The following SMS variants were observed in gnomAD, a reference collection of about 807,000 sequenced individuals.
SMS encodes spermidine aminopropyltransferase.
Under a neutral mutation model 33.0 loss-of-function variants are expected in SMS, and 3 were observed. The ratio of observed to expected loss-of-function variants is 0.09; its 90% CI spans 0.04 to 0.23. The LOEUF is 0.23. SMS is among the 10% of genes least tolerant of loss of function. SMS has a pLI of 1.00. For synonymous variants in SMS, 103 were observed against 112.2 expected (o/e 0.92, Z 0.52); for missense variants, 117 against 288.6 (o/e 0.41, Z 4.31).
intron 9 of SMS, among the ~76,000 whole-genome samples, chrX:21,991,350 G>C (rs1446078443): frequency 9.0e-6 from 1 of 110,662 alleles, no homozygotes; most frequent in Non-Finnish European, 1.9e-5. Flanking sequence ...GCTAACTTTT[G>C]TATTTTTTAG....
At chrX:21,949,485 C>T (rs1602182073) in intron 1 of SMS, among the ~76,000 whole-genome samples, 1 of 111,930 alleles carries the variant, frequency 8.9e-6, no homozygotes, top group East Asian at 2.8e-4. Context: ...ATGGGTTGCC[C>T]TGTGTTTTGA....
At chrX:21,943,941 A>AGGGTGAGT (rs1425365053) in intron 1 of SMS, among the ~76,000 whole-genome samples, 1 of 111,882 alleles carries the variant, frequency 8.9e-6, no homozygotes, top group African/African-American at 3.3e-5. Context: ...ATGTGACTCA[A>AGGGTGAGT]GGGTGAGTCA....
intron 6 of SMS, among the ~76,000 whole-genome samples, chrX:21,978,438 G>A (rs1924682865): frequency 9.0e-6 from 1 of 111,357 alleles, no homozygotes; most frequent in African/African-American, 3.3e-5. Flanking sequence ...AGCCAGGCAT[G>A]GTGGCGGGCA....
intron 1 of SMS, among the ~76,000 whole-genome samples, chrX:21,951,596 C>T (rs1244177944): frequency 9.0e-6 from 1 of 111,085 alleles, no homozygotes; most frequent in African/African-American, 3.3e-5. Flanking sequence ...GTCTTTAATC[C>T]ATCTTGAGTT....
At chrX:21,958,345 G>A (rs774192801) in intron 1 of SMS, among the ~76,000 whole-genome samples, 1 of 112,493 alleles carries the variant, frequency 8.9e-6, no homozygotes, top group Non-Finnish European at 1.9e-5. Flanking sequence ...TGGCTTGCCA[G>A]TGGAGAAACC....
At chrX:21,953,221 G>A (rs1293647989) in intron 1 of SMS, among the ~76,000 whole-genome samples, 5 of 108,884 alleles carry the variant, frequency 4.6e-5, no homozygotes, top group Admixed American at 2.0e-4. Context: ...TAGGTGCACC[G>A]GCCCAGTCGG....
intron 1 of SMS, among the ~76,000 whole-genome samples, chrX:21,953,230 G>A (rs1319807463): frequency 9.2e-6 from 1 of 108,588 alleles, no homozygotes; most frequent in Non-Finnish European, 1.9e-5. Context: ...CGGCCCAGTC[G>A]GATTAACATT....
chrX:21,986,948 T>C (rs995201173), intron 9 of SMS, among the ~76,000 whole-genome samples: 3 of 109,860 alleles, frequency 2.7e-5, no homozygotes, highest in Non-Finnish European at 5.7e-5. Flanking sequence ...TGAAACCTGC[T>C]CAAATGAAGC....
At chrX:21,945,633 G>GACC (rs1569340036) in intron 1 of SMS, among the ~76,000 whole-genome samples, 1 of 49,715 alleles carries the variant, frequency 2.0e-5, no homozygotes, top group African/African-American at 1.0e-4. Flanking sequence ...TTTGCTTCCC[G>GACC]TCCCCCCCCC....
At chrX:21,984,753 C>G (rs1925210518) in intron 8 of SMS, among the ~76,000 whole-genome samples, 1 of 112,096 alleles carries the variant, frequency 8.9e-6, no homozygotes, top group Admixed American at 9.5e-5. Flanking sequence ...AGATAATTCC[C>G]TTTCTCAAAC....
chrX:21,972,017 G>T (rs367593877), intron 3 of SMS, 27 bp downstream of exon 3: 1 of 958,461 alleles, frequency 1.0e-6, no homozygotes, highest in Non-Finnish European at 1.5e-6. Flanking sequence ...CATTTACTCA[G>T]TGTTTAAGGA....
chrX:21,990,338 C>T (rs1393681712), intron 9 of SMS, among the ~76,000 whole-genome samples: 1 of 112,211 alleles, frequency 8.9e-6, no homozygotes, highest in Non-Finnish European at 1.9e-5. Context: ...TTCTTAAAAC[C>T]CCAGTGTCCT....
At chrX:21,962,741 C>T (rs1430859539) in intron 1 of SMS, among the ~76,000 whole-genome samples, 2 of 111,657 alleles carry the variant, frequency 1.8e-5, no homozygotes, top group Non-Finnish European at 3.8e-5. Context: ...CTGCAGCCTT[C>T]ACCTCCCAGG....
intron 4 of SMS, among the ~76,000 whole-genome samples, chrX:21,974,847 A>G (rs928511520): frequency 1.2e-5 from 1 of 81,050 alleles, no homozygotes; most frequent in Non-Finnish European, 2.3e-5. Context: ...AAGGACAAGG[A>G]TTGCTATCCT....
chrX:21,977,937 T>C (rs746579763), intron 5 of SMS, 23 bp from the exon 6 acceptor site: 2 of 1,206,323 alleles, frequency 1.7e-6, no homozygotes, highest in Admixed American at 2.2e-5. Context: ...GACTCACCAT[T>C]TGGATCTGTT....
intron 2 of SMS, 46 bp from the exon 3 acceptor site, chrX:21,971,851 T>A: frequency 1.2e-6 from 1 of 840,178 alleles, no homozygotes; most frequent in Non-Finnish European, 1.8e-6. Context: ...TTTTTTTTAA[T>A]GCCCCGATAC....
At chrX:21,972,383 G>A in intron 3 of SMS, 124 bp from the exon 4 acceptor site, 1 of 522,411 alleles carries the variant, frequency 1.9e-6, no homozygotes, top group Non-Finnish European at 3.5e-6. Context: ...GCTGCTAGAG[G>A]GTAGGAGGAG....
rs756920003 is a variant in SMS, at chrX:21,956,715, G to A, written c.50-10481G>A. ...GAACTCCTGACCTTGTGATCTGCCC[G>A]CCTTGGCCTCCTAAAGTGCTGGGAT... On this transcript the variant is annotated intron_variant, in intron 1 of 10. Transcript: ENST00000404933. Among the ~76,000 whole-genome samples the A allele has an allele frequency of 6.3e-5, 7 of 111,221 alleles. No individual in the cohort carries two copies. In the East Asian group the frequency reaches 1.1e-3, roughly 18 times the overall value.
At chrX:21,956,001 T>C (rs890190596) in intron 1 of SMS, among the ~76,000 whole-genome samples, 1 of 111,990 alleles carries the variant, frequency 8.9e-6, no homozygotes, top group Non-Finnish European at 1.9e-5. Flanking sequence ...CCAGTCCCAG[T>C]GTCTGTGGGA....
Sources: gnomAD v4.1 joint callset for allele counts (sites outside exome capture counted in the v4.1 genomes callset) on GRCh38, gnomAD v4.1.1 for gene constraint, MANE v1.5 for transcripts, NCBI Gene and HGNC (gene_info 2026-07-23, HGNC 2026-07-21) for gene names.